PRELID2: variants seen among roughly 807,000 people sequenced by gnomAD.
PRELID2 encodes the protein PRELI domain containing 2, also known as PRELI domain-containing protein 2.
In PRELID2, 25 loss-of-function variants were observed where a neutral mutation model predicts 28.4. The ratio of observed to expected loss-of-function variants is 0.88; its 90% CI spans 0.64 to 1.23. The LOEUF is 1.23. Among genes scored for constraint, PRELID2 ranks in the 50% most tolerant of loss-of-function variants. The pLI is 0.00. For synonymous variants in PRELID2, 76 were observed against 71.6 expected (o/e 1.06, Z -0.31); for missense variants, 201 against 214.4 (o/e 0.94, Z 0.39).
intron 1 of PRELID2, among the ~76,000 whole-genome samples, chr5:145,574,620 C>T (rs2149620286): frequency 6.6e-6 from 1 of 152,198 alleles, no homozygotes; most frequent in African/African-American, 2.4e-5. Flanking sequence ...CAACTGAGAG[C>T]CTTGTCCATC....
chr5:145,323,301 T>C, the PRELID2 span, among the ~76,000 whole-genome samples: 1 of 152,008 alleles, frequency 6.6e-6, no homozygotes, highest in African/African-American at 2.4e-5. Context: ...CAAACACAAC[T>C]GGAAGGTTGG....
chr5:145,507,812 G>A (rs540528391), intron 1 of PRELID2, among the ~76,000 whole-genome samples: 73 of 152,256 alleles, frequency 4.8e-4, no homozygotes, highest in Non-Finnish European at 7.5e-4. Context: ...GCCAGATGGA[G>A]TCCTTTTATT....
chr5:145,379,979 T>G, the PRELID2 span, among the ~76,000 whole-genome samples: 1 of 152,124 alleles, frequency 6.6e-6, no homozygotes, highest in Non-Finnish European at 1.5e-5. Flanking sequence ...GGTCCAACAG[T>G]TCCTTTAGGG....
At chr5:145,513,476 T>C (rs1185007007) in intron 1 of PRELID2, among the ~76,000 whole-genome samples, 2 of 151,628 alleles carry the variant, frequency 1.3e-5, no homozygotes, top group Non-Finnish European at 1.5e-5. Flanking sequence ...CTCCAAGAAA[T>C]ATGGGACTAT....
intron 1 of PRELID2, among the ~76,000 whole-genome samples, chr5:145,515,224 T>C (rs1752505258): frequency 6.6e-6 from 1 of 152,090 alleles, no homozygotes; most frequent in Non-Finnish European, 1.5e-5. Context: ...GGAGCTGGTT[T>C]TTTGAAAAGA....
At chr5:145,711,477 G>T (rs907508905) in intron 1 of PRELID2, among the ~76,000 whole-genome samples, 1 of 152,116 alleles carries the variant, frequency 6.6e-6, no homozygotes, top group African/African-American at 2.4e-5. Context: ...GTTGTGAAAG[G>T]CTAAGTGAGC....
the PRELID2 span, among the ~76,000 whole-genome samples, chr5:145,459,372 G>A: frequency 1.3e-5 from 2 of 151,946 alleles, no homozygotes; most frequent in Non-Finnish European, 2.9e-5. Flanking sequence ...CTGAGCAATT[G>A]CCTTTTTTAT....
the PRELID2 span, among the ~76,000 whole-genome samples, chr5:145,309,789 T>C: frequency 3.3e-5 from 5 of 152,116 alleles, 1 homozygote; most frequent in Non-Finnish European, 1.5e-5. Context: ...GGAGCAAAAG[T>C]GTGATCCCAA....
the PRELID2 span, among the ~76,000 whole-genome samples, chr5:145,299,772 A>C: frequency 6.6e-6 from 1 of 152,018 alleles, no homozygotes; most frequent in Non-Finnish European, 1.5e-5. Flanking sequence ...TGGGGACTGC[A>C]AAATGGTGAT....
chr5:145,639,683 G>A (rs1754063982), intron 1 of PRELID2, among the ~76,000 whole-genome samples: 1 of 152,066 alleles, frequency 6.6e-6, no homozygotes. Context: ...TCCAATGTTG[G>A]GAAAGTGCGT....
At chr5:145,600,848 TA>T (rs758916979) in intron 1 of PRELID2, among the ~76,000 whole-genome samples, 29 of 152,036 alleles carry the variant, frequency 1.9e-4, no homozygotes, top group Admixed American at 3.9e-4. Flanking sequence ...GAAACAAAAA[TA>T]AAATATCAAA....
chr5:145,380,404 T>C, the PRELID2 span, among the ~76,000 whole-genome samples: 1 of 152,192 alleles, frequency 6.6e-6, no homozygotes, highest in African/African-American at 2.4e-5. Context: ...GGTACCTTGA[T>C]GGGAGCTGTT....
intron 1 of PRELID2, among the ~76,000 whole-genome samples, chr5:145,481,623 C>CAAGAAAAAAAAAAAAAAAAAAAAAA (rs1752160271): frequency 2.4e-5 from 1 of 41,864 alleles, no homozygotes; most frequent in Non-Finnish European, 3.8e-5. Context: ...GCAAGGAAAT[C>CAAGAAAAAAAAAAAAAAAAAAAAAA]AAAAAAAAAA....
chr5:145,571,479 A>G (rs775145179), intron 1 of PRELID2, among the ~76,000 whole-genome samples: 6 of 152,206 alleles, frequency 3.9e-5, no homozygotes, highest in African/African-American at 1.4e-4. Context: ...GCATCACATG[A>G]CAGATAGCAG....
At chr5:145,794,728 A>G (rs950576753) in intron 5 of PRELID2, among the ~76,000 whole-genome samples, 3 of 152,182 alleles carry the variant, frequency 2.0e-5, no homozygotes, top group African/African-American at 7.2e-5. Context: ...ATTCTCATTA[A>G]TAAAATGGGA....
the PRELID2 span, among the ~76,000 whole-genome samples, chr5:145,273,459 C>T: frequency 6.6e-6 from 1 of 151,942 alleles, no homozygotes; most frequent in Non-Finnish European, 1.5e-5. Flanking sequence ...AGAAAGGAAA[C>T]CCCATAGATG....
the PRELID2 span, among the ~76,000 whole-genome samples, chr5:145,302,223 A>T: frequency 6.6e-6 from 1 of 151,666 alleles, no homozygotes. Flanking sequence ...GCAATGGCTC[A>T]ATCTTGGCTC....
At chr5:145,683,987 G>A (rs951897909) in intron 1 of PRELID2, among the ~76,000 whole-genome samples, 1 of 152,146 alleles carries the variant, frequency 6.6e-6, no homozygotes, top group African/African-American at 2.4e-5. Context: ...GTTTTCTAGA[G>A]GGGAGATTCC....
intron 1 of PRELID2, among the ~76,000 whole-genome samples, chr5:145,559,079 C>T (rs1212162532): frequency 6.6e-6 from 1 of 151,836 alleles, no homozygotes. Context: ...ATGGTGAAAC[C>T]CCGTCTCTAC....
Sources: gnomAD v4.1 joint callset for allele counts (sites outside exome capture counted in the v4.1 genomes callset) on GRCh38, gnomAD v4.1.1 for gene constraint, MANE v1.5 for transcripts, NCBI Gene and HGNC (gene_info 2026-07-23, HGNC 2026-07-21) for gene names.